PSD3: variants seen among roughly 807,000 people sequenced by gnomAD.
The protein encoded by PSD3 is PH and SEC7 domain-containing protein 3.
In PSD3, 49 loss-of-function variants were observed where a neutral mutation model predicts 105.5. The ratio of observed to expected loss-of-function variants is 0.46; its 90% confidence interval spans 0.37 to 0.59. PSD3 has a LOEUF of 0.59. Among genes scored for constraint, PSD3 ranks in the 20% least tolerant of loss-of-function variants. The pLI is 0.00. For synonymous variants in PSD3, 557 were observed against 457.8 expected (o/e 1.22, Z -2.77); for missense variants, 1,561 against 1,263.8 (o/e 1.24, Z -3.57).
intron 9 of PSD3, among the ~76,000 whole-genome samples, chr8:18,695,713 A>G (rs1388089682): frequency 6.6e-6 from 1 of 152,192 alleles, no homozygotes; most frequent in Non-Finnish European, 1.5e-5. Flanking sequence ...ACCAGAAAAT[A>G]ATTTTGCATT....
chr8:18,746,100 A>G (rs1383937701), intron 9 of PSD3, among the ~76,000 whole-genome samples: 1 of 152,240 alleles, frequency 6.6e-6, no homozygotes, highest in Non-Finnish European at 1.5e-5. Flanking sequence ...TGTCTGGCAT[A>G]CTTTCCTCTG....
At chr8:18,962,330 T>C (rs1586535254) in intron 1 of PSD3, among the ~76,000 whole-genome samples, 1 of 152,160 alleles carries the variant, frequency 6.6e-6, no homozygotes, top group East Asian at 1.9e-4. Context: ...AAAAGGAAAA[T>C]AATTGATGAA....
chr8:19,058,735 C>T (rs773973882), intron 1 of PSD3, among the ~76,000 whole-genome samples: 8 of 152,122 alleles, frequency 5.3e-5, no homozygotes, highest in South Asian at 2.1e-4. Flanking sequence ...GAGAACAGTG[C>T]CAGCTCCTTA....
intron 4 of PSD3, among the ~76,000 whole-genome samples, chr8:18,837,073 G>A (rs1814174438): frequency 1.3e-5 from 2 of 152,202 alleles, no homozygotes; most frequent in East Asian, 1.9e-4. Context: ...TGAGCTAGGA[G>A]CCTACAAGGT....
chr8:18,733,646 T>C (rs1181257905), intron 9 of PSD3: 1 of 152,778 alleles, frequency 6.5e-6, no homozygotes, highest in African/African-American at 2.4e-5. Flanking sequence ...TCACAGAACG[T>C]AGACAAATGT....
Position 18,575,299 on chromosome 8 carries a change from C to G in PSD3, c.2482-14G>C. 6.7e-7 allele frequency: 1 copy of G among 1,502,242 alleles called. No individual in the cohort carries two copies. The allele number at this position is 1,502,242 out of a possible 1,614,324, so 93.1% of individuals were successfully genotyped here. A position where few individuals can be genotyped will look rare whatever the true frequency, so the allele number is the denominator to read the frequency against. ...CTTGTATTCATCCTATAGATGGACA[C>G]AAAGAAAATAAAGGCAAAAATCACG... is the stretch of plus-strand genomic sequence containing the variant. On this transcript the variant is annotated splice_polypyrimidine_tract_variant and intron_variant, in intron 12 of 15. Coordinates refer to ENST00000327040, the MANE Select transcript of PSD3 (RefSeq NM_015310.4).
chr8:18,666,557 A>G (rs1799468558), intron 9 of PSD3, among the ~76,000 whole-genome samples: 1 of 152,242 alleles, frequency 6.6e-6, no homozygotes, highest in South Asian at 2.1e-4. Flanking sequence ...TTCATCATCA[A>G]AAAACAAACT....
At chr8:18,655,119 C>A (rs901680845) in intron 10 of PSD3, among the ~76,000 whole-genome samples, 5 of 151,332 alleles carry the variant, frequency 3.3e-5, no homozygotes, top group Admixed American at 1.3e-4. Context: ...GTCAGGAGAT[C>A]GAGACCATCC....
At chr8:18,902,829 G>C (rs1299845993) in intron 2 of PSD3, among the ~76,000 whole-genome samples, 2 of 152,204 alleles carry the variant, frequency 1.3e-5, no homozygotes, top group Admixed American at 6.5e-5. Flanking sequence ...AGATGTTCGT[G>C]GCAGTGGTGA....
At chr8:19,019,307 G>A (rs1390579566) in intron 1 of PSD3, among the ~76,000 whole-genome samples, 6 of 152,008 alleles carry the variant, frequency 3.9e-5, no homozygotes, top group African/African-American at 9.6e-5. Context: ...GTCATTGCAC[G>A]TCAAAAAAGA....
At chr8:19,034,802 C>T (rs911565545) in intron 1 of PSD3, among the ~76,000 whole-genome samples, 12 of 152,122 alleles carry the variant, frequency 7.9e-5, no homozygotes, top group Non-Finnish European at 1.3e-4. Flanking sequence ...GTCTGGATCC[C>T]AGAGGACAAA....
intron 9 of PSD3, among the ~76,000 whole-genome samples, chr8:18,684,869 G>T (rs1778455519): frequency 6.6e-6 from 1 of 152,186 alleles, no homozygotes; most frequent in South Asian, 2.1e-4. Flanking sequence ...ACACAGCAAT[G>T]TGCAAGCCTC....
chr8:18,763,031 A>G (rs1806671353), intron 9 of PSD3: 1 of 612,832 alleles, frequency 1.6e-6, no homozygotes, highest in Non-Finnish European at 2.7e-6. Flanking sequence ...AACACCTAGT[A>G]AACACACAGC....
At chr8:18,638,525 C>A (rs1807430720) in intron 10 of PSD3, among the ~76,000 whole-genome samples, 1 of 147,150 alleles carries the variant, frequency 6.8e-6, no homozygotes, top group African/African-American at 2.6e-5. Context: ...AATCCCACTT[C>A]CAAAAGCATT....
At chr8:18,736,672 G>T (rs1804173460) in intron 9 of PSD3, among the ~76,000 whole-genome samples, 1 of 152,118 alleles carries the variant, frequency 6.6e-6, no homozygotes, top group Non-Finnish European at 1.5e-5. Flanking sequence ...ATAGCATGTT[G>T]AGATACGGAA....
intron 8 of PSD3, among the ~76,000 whole-genome samples, chr8:18,783,715 C>A (rs1244133776): frequency 6.6e-6 from 1 of 152,140 alleles, no homozygotes; most frequent in Non-Finnish European, 1.5e-5. Context: ...CTCACTGCAA[C>A]CTCCGTCTCC....
rs982622215 is a variant in PSD3, at chr8:18,532,904, T to C, written c.*2839A>G. On this transcript the variant is annotated 3_prime_UTR_variant, in exon 16 of 16. Transcript: ENST00000327040. ...AGATTTTCTGTACTAGAAATTAATA[T>C]GAAGTGTATTGACGTGAAGAAGAAT... The C allele has an allele frequency of 2.0e-5, 3 of 152,118 alleles. No individual in the cohort carries two copies. The East Asian group carries it at 5.8e-4, about 29-fold the overall frequency. The allele number at this position is 152,118 out of a possible 1,614,324, so 9.4% of individuals were successfully genotyped here.
chr8:18,627,888 T>A (rs372186098), intron 11 of PSD3, among the ~76,000 whole-genome samples: 19 of 151,288 alleles, frequency 1.3e-4, no homozygotes, highest in African/African-American at 3.6e-4. Flanking sequence ...AGGAAGGTTA[T>A]CAAAGAGAAG....
At chr8:18,551,677 G>A (rs1800776949) in intron 15 of PSD3, among the ~76,000 whole-genome samples, 3 of 152,052 alleles carry the variant, frequency 2.0e-5, no homozygotes, top group Admixed American at 2.0e-4. Context: ...TTCAGGAGTG[G>A]GTATTCAGCT....
Sources: allele counts gnomAD v4.1 joint callset (sites outside exome capture counted in the v4.1 genomes callset), GRCh38; gene constraint gnomAD v4.1.1; transcripts MANE v1.5; gene names NCBI Gene and HGNC (gene_info 2026-07-23, HGNC 2026-07-21).